Variants in GRIN2B observed in about 807,000 individuals in gnomAD.
The protein encoded by GRIN2B is glutamate receptor ionotropic, NMDA 2B.
Under a neutral mutation model 114.5 loss-of-function variants are expected in GRIN2B, and 5 were observed. The observed-to-expected ratio is 0.04, with a 90% CI of 0.02 to 0.09. GRIN2B has a LOEUF of 0.09. GRIN2B is among the 10% of genes least tolerant of loss of function. The probability of loss-of-function intolerance (pLI) is 1.00; values close to 1 mark genes in which losing one functional copy is unlikely to be tolerated. For synonymous variants in GRIN2B, 787 were observed against 745.1 expected (o/e 1.06, Z -0.92); for missense variants, 1,108 against 1,943.5 (o/e 0.57, Z 8.08).
At chr12:13,854,594 G>A (rs1404827139) in intron 3 of GRIN2B, among the ~76,000 whole-genome samples, 2 of 152,122 alleles carry the variant, frequency 1.3e-5, no homozygotes, top group Admixed American at 6.6e-5. Flanking sequence ...GCTAAAAGAC[G>A]AACTTCACCT....
At chr12:13,940,267 T>C (rs1867216459) in intron 2 of GRIN2B, among the ~76,000 whole-genome samples, 1 of 152,158 alleles carries the variant, frequency 6.6e-6, no homozygotes, top group African/African-American at 2.4e-5. Flanking sequence ...TACAGTTACT[T>C]AGATCCATTT....
chr12:13,599,394 G>A (rs1949123401), intron 10 of GRIN2B, among the ~76,000 whole-genome samples: 1 of 152,140 alleles, frequency 6.6e-6, no homozygotes, highest in Non-Finnish European at 1.5e-5. Context: ...GCCCAGAGCA[G>A]CCCTGGCCAC....
chr12:13,789,555 C>T (rs779319336), intron 3 of GRIN2B, among the ~76,000 whole-genome samples: 1 of 152,044 alleles, frequency 6.6e-6, no homozygotes, highest in Non-Finnish European at 1.5e-5. Context: ...TTTTTAGTCG[C>T]TCTGAATATT....
chr12:13,741,276 C>A (rs541714598), intron 4 of GRIN2B, among the ~76,000 whole-genome samples: 6 of 152,222 alleles, frequency 3.9e-5, no homozygotes, highest in Admixed American at 3.9e-4. Context: ...ATGATCCACC[C>A]ACCTTGGCCT....
At chr12:13,819,882 A>C (rs1446974778) in intron 3 of GRIN2B, among the ~76,000 whole-genome samples, 2 of 152,188 alleles carry the variant, frequency 1.3e-5, no homozygotes. Context: ...TCCAGGGTCC[A>C]TACATAAATG....
At chr12:13,831,636 A>G (rs1865147232) in intron 3 of GRIN2B, among the ~76,000 whole-genome samples, 1 of 152,162 alleles carries the variant, frequency 6.6e-6, no homozygotes, top group African/African-American at 2.4e-5. Context: ...TAGAAGAAGA[A>G]AAAGAGGCTC....
At chr12:13,610,030 C>G (rs1949346298) in intron 9 of GRIN2B, 1 of 152,190 alleles carries the variant, frequency 6.6e-6, no homozygotes, top group Non-Finnish European at 1.5e-5. Flanking sequence ...GAACATCTGC[C>G]TGCACAGTTT....
intron 5 of GRIN2B, among the ~76,000 whole-genome samples, chr12:13,662,972 G>A (rs1031163790): frequency 2.0e-4 from 31 of 152,166 alleles, no homozygotes; most frequent in African/African-American, 7.2e-4. Context: ...AAATGTCTGT[G>A]ATCAGCGGCC....
chr12:13,812,929 A>G (rs1373576918), intron 3 of GRIN2B, among the ~76,000 whole-genome samples: 2 of 129,042 alleles, frequency 1.5e-5, no homozygotes, highest in African/African-American at 3.0e-5. Flanking sequence ...AAGTTTTGGG[A>G]ATTTTTTTTT....
chr12:13,934,080 T>C (rs1314445841), intron 2 of GRIN2B, among the ~76,000 whole-genome samples: 1 of 152,228 alleles, frequency 6.6e-6, no homozygotes, highest in Non-Finnish European at 1.5e-5. Flanking sequence ...TTCTGTAGCA[T>C]TTAGCCTAGT....
intron 5 of GRIN2B, among the ~76,000 whole-genome samples, chr12:13,673,997 G>T (rs920307056): frequency 6.6e-6 from 1 of 152,036 alleles, no homozygotes; most frequent in Non-Finnish European, 1.5e-5. Flanking sequence ...GTAGTGAAAA[G>T]CAGAAGCCCA....
At chr12:13,794,981 G>A (rs1668141271) in intron 3 of GRIN2B, among the ~76,000 whole-genome samples, 1 of 152,204 alleles carries the variant, frequency 6.6e-6, no homozygotes, top group Admixed American at 6.5e-5. Flanking sequence ...GCCAGCTCCT[G>A]GGATGGCTGG....
At chr12:13,606,468 A>C (rs12823855) in intron 10 of GRIN2B, among the ~76,000 whole-genome samples, 18,304 of 152,200 alleles carry the variant, frequency 0.12, 1,430 homozygotes, top group African/African-American at 0.21. Context: ...CACCCCTCCC[A>C]AGGGAGCCAC....
At chr12:13,871,412 A>C (rs1865904436) in intron 2 of GRIN2B, among the ~76,000 whole-genome samples, 1 of 151,866 alleles carries the variant, frequency 6.6e-6, no homozygotes, top group Non-Finnish European at 1.5e-5. Context: ...AAATAACTAT[A>C]AGGTTAAAAA....
chr12:13,648,520 G>T, intron 5 of GRIN2B, among the ~76,000 whole-genome samples: 1 of 152,058 alleles, frequency 6.6e-6, no homozygotes, highest in East Asian at 1.9e-4. Flanking sequence ...AAGGGGCAAG[G>T]TGTCACTTGC....
chr12:13,878,837 A>C (rs1866029714), intron 2 of GRIN2B, among the ~76,000 whole-genome samples: 1 of 152,236 alleles, frequency 6.6e-6, no homozygotes, highest in South Asian at 2.1e-4. Flanking sequence ...TTTGAGAATG[A>C]GAAATGTAAA....
At chr12:13,911,018 A>G (rs1866619422) in intron 2 of GRIN2B, among the ~76,000 whole-genome samples, 1 of 151,998 alleles carries the variant, frequency 6.6e-6, no homozygotes. Context: ...GATATTTTCC[A>G]ACCCTTTCTG....
intron 2 of GRIN2B, among the ~76,000 whole-genome samples, chr12:13,957,426 C>T (rs953424313): frequency 1.3e-5 from 2 of 152,038 alleles, no homozygotes; most frequent in Non-Finnish European, 2.9e-5. Flanking sequence ...GGTATCTCTC[C>T]GTGGAAATTA....
At chr12:13,881,573 T>C (rs991153992) in intron 2 of GRIN2B, among the ~76,000 whole-genome samples, 3 of 152,224 alleles carry the variant, frequency 2.0e-5, no homozygotes, top group African/African-American at 7.2e-5. Context: ...GGTTGACCCA[T>C]CTAAAACATT....
Sources: gnomAD v4.1 joint callset for allele counts (sites outside exome capture counted in the v4.1 genomes callset) on GRCh38, gnomAD v4.1.1 for gene constraint, MANE v1.5 for transcripts, NCBI Gene and HGNC (gene_info 2026-07-23, HGNC 2026-07-21) for gene names.